HDAC4: variants seen among roughly 807,000 people sequenced by gnomAD.
HDAC4 encodes histone deacetylase A.
Under a neutral mutation model 135.1 loss-of-function variants are expected in HDAC4, and 16 were observed. The ratio of observed to expected loss-of-function variants is 0.12; its 90% CI spans 0.08 to 0.18. The LOEUF is 0.18. HDAC4 is among the 10% of genes least tolerant of loss of function. The probability of loss-of-function intolerance (pLI) is 1.00; values close to 1 mark genes in which losing one functional copy is unlikely to be tolerated. For missense variants in HDAC4, 1,143 were observed against 1,511.8 expected, an observed-to-expected ratio of 0.76 and a Z score of 4.05; for synonymous variants, 685 against 653.4, an observed-to-expected ratio of 1.05 and a Z score of -0.74.
intron 2 of HDAC4, among the ~76,000 whole-genome samples, chr2:239,327,577 G>C (rs1247198358): frequency 2.0e-5 from 3 of 152,216 alleles, no homozygotes; most frequent in African/African-American, 7.2e-5. Context: ...ATGTGCATAG[G>C]CAGAAAACAA....
rs761948413 is a variant in HDAC4 at position 239,066,848 on chromosome 2, C to T, written c.2877G>A (p.Gly959=). The change falls in exon 24 of 27, where the codon GGG becomes GGA. Residue 959 remains glycine, a synonymous_variant. Coordinates refer to ENST00000543185, the MANE Select transcript of HDAC4 (RefSeq NM_001378414.1). ...GGCCCATCAGCTGCTTCGTCAGGTA[C>T]CCGAAGCCTGCAACGGGAAACGGGA... The part of the protein sequence containing the change: ...GGYNLSARCF[G]YLTKQLMGLA... The T allele has an allele frequency of 1.9e-6, 3 of 1,613,254 alleles. No homozygotes were observed. Among genetic ancestry groups the T allele is most frequent in the African/African-American group, 1.3e-5 (1 of 75,058 alleles).
At chr2:239,229,711 G>GT (rs1225349115) in intron 3 of HDAC4, among the ~76,000 whole-genome samples, 2 of 152,142 alleles carry the variant, frequency 1.3e-5, no homozygotes, top group African/African-American at 4.8e-5. Context: ...AGACTGAAAG[G>GT]TTTTCTGACT....
intron 1 of HDAC4, among the ~76,000 whole-genome samples, chr2:239,390,315 T>C (rs891011301): frequency 6.6e-6 from 1 of 152,172 alleles, no homozygotes. Flanking sequence ...GCAGACTGTT[T>C]GAGCCCAGGA....
intron 3 of HDAC4, among the ~76,000 whole-genome samples, chr2:239,195,316 G>A (rs995414428): frequency 6.6e-6 from 1 of 152,190 alleles, no homozygotes; most frequent in Admixed American, 6.5e-5. Context: ...CTCCGGCCAC[G>A]GCCATTGCTC....
intron 22 of HDAC4, among the ~76,000 whole-genome samples, chr2:239,075,540 G>C (rs552827343): frequency 6.6e-6 from 1 of 152,330 alleles, no homozygotes; most frequent in African/African-American, 2.4e-5. Flanking sequence ...AGCCATGACT[G>C]TGGTGCCCAG....
intron 18 of HDAC4, among the ~76,000 whole-genome samples, chr2:239,089,022 A>G (rs955820755): frequency 1.3e-5 from 2 of 152,170 alleles, no homozygotes; most frequent in Non-Finnish European, 2.9e-5. Context: ...AAGAAGGGCT[A>G]ATGGTTCAGT....
intron 1 of HDAC4, among the ~76,000 whole-genome samples, chr2:239,369,208 G>A (rs146260457): frequency 5.3e-5 from 8 of 152,200 alleles, no homozygotes; most frequent in Middle Eastern, 3.2e-3. Context: ...ACAGCAGCAC[G>A]GCCCATTCCC....
At chr2:239,123,865 C>A (rs937115976) in intron 12 of HDAC4, among the ~76,000 whole-genome samples, 1 of 152,142 alleles carries the variant, frequency 6.6e-6, no homozygotes, top group Non-Finnish European at 1.5e-5. Context: ...TTTCCAACTC[C>A]TGTCTACGTG....
chr2:239,200,303 G>T (rs2045678707), intron 3 of HDAC4, among the ~76,000 whole-genome samples: 1 of 152,196 alleles, frequency 6.6e-6, no homozygotes, highest in Non-Finnish European at 1.5e-5. Flanking sequence ...TCCAAACGCT[G>T]ACTTACATGT....
At chr2:239,067,368 G>A (rs1254197477) in intron 23 of HDAC4, among the ~76,000 whole-genome samples, 2 of 152,212 alleles carry the variant, frequency 1.3e-5, no homozygotes, top group Non-Finnish European at 2.9e-5. Context: ...AATGCCTGGT[G>A]GATGAGGGTA....
At chr2:239,147,641 C>A (rs2041852278) in intron 7 of HDAC4, among the ~76,000 whole-genome samples, 1 of 152,246 alleles carries the variant, frequency 6.6e-6, no homozygotes, top group African/African-American at 2.4e-5. Flanking sequence ...TTGACAGAAC[C>A]AAAGCATCAG....
chr2:239,258,241 A>G (rs1183152938), intron 2 of HDAC4, among the ~76,000 whole-genome samples: 1 of 152,188 alleles, frequency 6.6e-6, no homozygotes, highest in African/African-American at 2.4e-5. Context: ...TCAAAAGTCA[A>G]GGGCAGGAAG....
At chr2:239,394,982 G>A (rs1696466130) in intron 1 of HDAC4, among the ~76,000 whole-genome samples, 3 of 152,234 alleles carry the variant, frequency 2.0e-5, no homozygotes, top group African/African-American at 7.2e-5. Context: ...ATGGGATGCT[G>A]TTAGAAAGGA....
chr2:239,189,440 T>C (rs1244842023), intron 4 of HDAC4, among the ~76,000 whole-genome samples: 1 of 152,170 alleles, frequency 6.6e-6, no homozygotes, highest in Non-Finnish European at 1.5e-5. Flanking sequence ...ATAGAAAATA[T>C]AGAAAAGTCC....
chr2:239,183,987 T>G (rs530037208), intron 4 of HDAC4, among the ~76,000 whole-genome samples: 55 of 139,196 alleles, frequency 4.0e-4, no homozygotes, highest in Admixed American at 1.1e-3. Context: ...CTCTCTCCTA[T>G]CCACTGTGCT....
rs557612751 is a variant in HDAC4, at chr2:239,065,430, G to A, written c.3003+1292C>T. Among the ~76,000 whole-genome samples, 26 of 152,338 alleles carry A rather than the reference G, an allele frequency of 1.7e-4. 1 individual carries two copies. In the South Asian group the frequency reaches 5.4e-3, roughly 32 times the overall value. On this transcript the variant is annotated intron_variant, in intron 24 of 26. Transcript: ENST00000543185. ...TTTTTTGTAAAGACAGGTGAGGTCG[G>A]ATGGTAGAGTGCTGCCTTTTCCTTG...
chr2:239,359,252 G>A (rs1177176535), intron 1 of HDAC4, among the ~76,000 whole-genome samples: 2 of 152,050 alleles, frequency 1.3e-5, no homozygotes, highest in Non-Finnish European at 2.9e-5. Context: ...TTCACGCTGC[G>A]TCGGTACCTC....
At chr2:239,298,634 C>T in intron 2 of HDAC4, 4 of 990,350 alleles carry the variant, frequency 4.0e-6, no homozygotes, top group Non-Finnish European at 4.8e-6. Context: ...CAGCCTGCCA[C>T]TCTTTACAGA....
chr2:239,285,216 C>A lies in HDAC4; in HGVS notation c.23-48552G>T, dbSNP rs2051066602. Among the ~76,000 whole-genome samples the A allele has an allele frequency of 6.6e-6, 1 of 152,192 alleles. No individual in the cohort carries two copies. Among genetic ancestry groups the A allele is most frequent in the South Asian group, 2.1e-4 (1 of 4,828 alleles). On this transcript the variant is annotated intron_variant, in intron 2 of 26. Transcript: ENST00000543185. This position sits in a 1 kb window ranked among gnomAD's most constrained non-coding sequence, Gnocchi z 4.5. ...AACAGGCAGCTGGATGAGCACAGAGCCACGGTGGAGGGGGACAGAGCCACG... is the reference window on the plus strand; with the variant it reads ...AACAGGCAGCTGGATGAGCACAGAGACACGGTGGAGGGGGACAGAGCCACG...
Sources: gnomAD v4.1 joint callset for allele counts (sites outside exome capture counted in the v4.1 genomes callset) on GRCh38, gnomAD v4.1.1 for gene constraint, Gnocchi (gnomAD v3.1) non-coding constraint, MANE v1.5 for transcripts, NCBI Gene and HGNC (gene_info 2026-07-23, HGNC 2026-07-21) for gene names.